Variants in CACNA1D observed in about 807,000 individuals in gnomAD.
CACNA1D encodes the protein calcium voltage-gated channel subunit alpha1 D.
CACNA1D carries 55 observed loss-of-function variants against 257.1 expected under a neutral mutation model. That is an observed-to-expected ratio of 0.21 (90% confidence interval 0.17 to 0.27). CACNA1D has a LOEUF of 0.27. Ranked by LOEUF, CACNA1D falls within the 10% of genes least tolerant of loss-of-function variation. CACNA1D has a pLI of 1.00. For synonymous variants in CACNA1D, 980 were observed against 1,014.9 expected, an observed-to-expected ratio of 0.97 and a Z score of 0.65; for missense variants, 1,876 against 2,784.0, an observed-to-expected ratio of 0.67 and a Z score of 7.34.
chr3:53,497,961 G>T (rs933604975), intron 2 of CACNA1D, among the ~76,000 whole-genome samples: 1 of 152,216 alleles, frequency 6.6e-6, no homozygotes, highest in African/African-American at 2.4e-5. Flanking sequence ...TAATGCTAAG[G>T]TTGCTTCTAG....
intron 8 of CACNA1D, among the ~76,000 whole-genome samples, chr3:53,687,963 T>TA (rs1191492093): frequency 6.6e-6 from 1 of 152,238 alleles, no homozygotes; most frequent in Non-Finnish European, 1.5e-5. Context: ...GAGCAACTGA[T>TA]ATGCTCATAC....
At chr3:53,572,692 G>GC (rs2092969970) in intron 3 of CACNA1D, among the ~76,000 whole-genome samples, 1 of 152,186 alleles carries the variant, frequency 6.6e-6, no homozygotes, top group African/African-American at 2.4e-5. Flanking sequence ...GAGCCACAGT[G>GC]CCCAGCCTTC....
chr3:53,805,985 CTCCGT>C (rs2095562766), intron 45 of CACNA1D, among the ~76,000 whole-genome samples: 1 of 134,272 alleles, frequency 7.4e-6, no homozygotes, highest in African/African-American at 2.9e-5. Context: ...TTCCCTCCTC[CTCCGT>C]TCCTCCCTCA....
intron 14 of CACNA1D, 114 bp downstream of exon 14, chr3:53,724,113 C>G (rs954415646): frequency 1.2e-6 from 1 of 837,908 alleles, no homozygotes; most frequent in Non-Finnish European, 2.0e-6. Flanking sequence ...TTGTTCATCT[C>G]TGCCCTAATC....
chr3:53,723,989 C>T lies in CACNA1D; in HGVS notation c.2090C>T (p.Thr697Ile), dbSNP rs1326951164. 2 of 1,613,876 alleles carry T rather than the reference C, an allele frequency of 1.2e-6. No individual in the cohort carries two copies. Among genetic ancestry groups the T allele is most frequent in the East Asian group, 2.2e-5 (1 of 44,878 alleles). The change falls in exon 14 of 48, where the codon ACA becomes ATA. Residue 697 changes from threonine to isoleucine, a missense_variant. Around this residue, in one of 10 missense-constraint regions of CACNA1D, gnomAD observed 257 missense variants for 399.7 expected, o/e 0.64. Coordinates refer to ENST00000350061, the MANE Select transcript of CACNA1D (RefSeq NM_001128840.3). The surrounding 1 kb of genome is among the most constrained non-coding windows in gnomAD (Gnocchi z 5.6). The stretch of plus-strand genomic sequence containing the variant: ...GACAATTTCCCTCAAGCACTTCTCA[C>T]AGTGTTCCAGGTGAGTCCTCCCTCC... ...TFDNFPQALLTVFQILTGEDW... is the reference protein window; with the variant it reads ...TFDNFPQALLIVFQILTGEDW...
intron 40 of CACNA1D, among the ~76,000 whole-genome samples, chr3:53,796,678 A>C (rs964595667): frequency 1.9e-4 from 29 of 152,244 alleles, no homozygotes; most frequent in Admixed American, 1.8e-3. Context: ...ATTCAATAGA[A>C]TATCTATGAA....
chr3:53,553,904 G>A (rs1373374682), intron 3 of CACNA1D, among the ~76,000 whole-genome samples: 1 of 150,990 alleles, frequency 6.6e-6, no homozygotes, highest in African/African-American at 2.4e-5. Context: ...GTGTTAAAGT[G>A]GAAAATCATG....
intron 8 of CACNA1D, among the ~76,000 whole-genome samples, chr3:53,695,533 A>G (rs914586795): frequency 2.6e-5 from 4 of 152,132 alleles, no homozygotes; most frequent in African/African-American, 9.7e-5. Context: ...GGCCCTGACA[A>G]GGAAGGTCCA....
intron 44 of CACNA1D, among the ~76,000 whole-genome samples, chr3:53,804,758 A>G (rs1279147192): frequency 6.6e-6 from 1 of 152,180 alleles, no homozygotes; most frequent in Non-Finnish European, 1.5e-5. Flanking sequence ...CCTGGAGCTG[A>G]GGGATCAAAA....
chr3:53,698,799 T>G (rs2094594946), intron 8 of CACNA1D, among the ~76,000 whole-genome samples: 1 of 145,408 alleles, frequency 6.9e-6, no homozygotes, highest in Admixed American at 7.1e-5. Flanking sequence ...GGTAGCACAC[T>G]TTATTGCTTT....
At chr3:53,730,331 A>G in intron 15 of CACNA1D, 111 bp from the exon 16 acceptor site, 2 of 746,452 alleles carry the variant, frequency 2.7e-6, no homozygotes, top group South Asian at 2.9e-5. Context: ...AACACTTGGG[A>G]CGGTCACTTA....
At chr3:53,641,011 C>A (rs1246249560) in intron 3 of CACNA1D, among the ~76,000 whole-genome samples, 1 of 152,120 alleles carries the variant, frequency 6.6e-6, no homozygotes, top group Admixed American at 6.5e-5. Flanking sequence ...AGGATTTAGA[C>A]AAACAGGAGT....
chr3:53,511,725 A>G (rs1328211618), intron 3 of CACNA1D, among the ~76,000 whole-genome samples: 1 of 152,212 alleles, frequency 6.6e-6, no homozygotes, highest in Non-Finnish European at 1.5e-5. Flanking sequence ...TAACATAGCC[A>G]TTATTTAATC....
chr3:53,576,322 T>C lies in CACNA1D; in HGVS notation c.484-74457T>C, dbSNP rs1329146052. 3.9e-5 allele frequency among the ~76,000 whole-genome samples: 6 copies of C among 152,218 alleles called. No individual in the cohort carries two copies. The East Asian group carries it at 1.2e-3, about 29-fold the overall frequency. ...TTTCTTAAAACAAAATGGCAACCAA[T>C]GAAAGTTTTCTGGTGAGTGTTATCC... On this transcript the variant is annotated intron_variant, in intron 3 of 47. Transcript: ENST00000350061.
chr3:53,723,435 T>C lies in CACNA1D; in HGVS notation c.1668T>C (p.Asp556=). ...ATGGGTGCCCCTTTGTCTTTCCAGA[T>C]ATTGCCAACAAAGTCCTCTTGGCTC... ...NQPDWLTQIQ[D]IANKVLLALF... Residue 556 remains aspartate, a splice_region_variant and synonymous_variant, in exon 13 of 48, where the codon GAT becomes GAC. Transcript: ENST00000350061. The surrounding 1 kb of genome is among the most constrained non-coding windows in gnomAD (Gnocchi z 5.6). 1 of 1,613,260 alleles carries C rather than the reference T, an allele frequency of 6.2e-7. No homozygotes were observed. The highest frequency in any genetic ancestry group is 8.5e-7 in the Non-Finnish European group (1 of 1,179,212).
intron 11 of CACNA1D, among the ~76,000 whole-genome samples, chr3:53,721,085 A>G (rs918227586): frequency 6.6e-6 from 1 of 152,192 alleles, no homozygotes; most frequent in Non-Finnish European, 1.5e-5. Flanking sequence ...CTGCTGAGTT[A>G]TGCATCCTAG....
intron 9 of CACNA1D, among the ~76,000 whole-genome samples, chr3:53,709,846 C>G (rs944273285): frequency 6.6e-6 from 1 of 152,228 alleles, no homozygotes; most frequent in African/African-American, 2.4e-5. Flanking sequence ...TTACAACAAC[C>G]TTACGCAGTA....
intron 8 of CACNA1D, among the ~76,000 whole-genome samples, chr3:53,691,577 A>G (rs2094519574): frequency 6.7e-6 from 1 of 149,494 alleles, no homozygotes; most frequent in Admixed American, 6.8e-5. Context: ...AAGCTCTTCT[A>G]TCCTCAAACA....
chr3:53,580,709 C>G (rs1559871771), intron 3 of CACNA1D, among the ~76,000 whole-genome samples: 1 of 152,170 alleles, frequency 6.6e-6, no homozygotes, highest in African/African-American at 2.4e-5. Context: ...CATTTATTTC[C>G]CAGTGCAAAT....
Sources: gnomAD v4.1 joint callset for allele counts (sites outside exome capture counted in the v4.1 genomes callset) on GRCh38, gnomAD v4.1.1 for gene constraint, gnomAD v4.1.1 regional missense constraint, Gnocchi (gnomAD v3.1) non-coding constraint, MANE v1.5 for transcripts, NCBI Gene and HGNC (gene_info 2026-07-23, HGNC 2026-07-21) for gene names.